Variants in IGF1R observed in about 807,000 individuals in gnomAD.
IGF1R encodes insulin-like growth factor 1 receptor.
A neutral mutation model predicts 144.6 loss-of-function variants in IGF1R; 44 were observed. That is an observed-to-expected ratio of 0.30 (90% CI 0.24 to 0.39). IGF1R has a LOEUF of 0.39. IGF1R is among the 10% of genes least tolerant of loss of function. The probability of loss-of-function intolerance (pLI) is 1.00; values close to 1 mark genes in which losing one functional copy is unlikely to be tolerated. For missense variants in IGF1R, 1,355 were observed against 1,833.7 expected, an observed-to-expected ratio of 0.74 and a Z score of 4.77; for synonymous variants, 795 against 722.8, an observed-to-expected ratio of 1.10 and a Z score of -1.60.
chr15:98,676,233 C>T (rs760468060), intron 1 of IGF1R, among the ~76,000 whole-genome samples: 12 of 152,010 alleles, frequency 7.9e-5, no homozygotes, highest in African/African-American at 1.2e-4. Context: ...CTCCACCTCC[C>T]GGGTTCAAGC....
intron 10 of IGF1R, among the ~76,000 whole-genome samples, chr15:98,918,032 TA>T (rs1310093795): frequency 6.6e-6 from 1 of 152,240 alleles, no homozygotes; most frequent in African/African-American, 2.4e-5. Context: ...AATTTTATTT[TA>T]ACACAATAAA....
At chr15:98,716,499 A>G (rs1334357604) in intron 2 of IGF1R, among the ~76,000 whole-genome samples, 1 of 152,080 alleles carries the variant, frequency 6.6e-6, no homozygotes, top group African/African-American at 2.4e-5. Context: ...CAAAATCTAG[A>G]CCATTCTGGG....
chr15:98,651,382 G>C (rs2052362529), intron 1 of IGF1R, among the ~76,000 whole-genome samples: 1 of 152,188 alleles, frequency 6.6e-6, no homozygotes, highest in African/African-American at 2.4e-5. Context: ...AACTTTCAGC[G>C]GACTCGATTG....
chr15:98,763,014 C>T (rs1253883831), intron 2 of IGF1R, among the ~76,000 whole-genome samples: 2 of 150,144 alleles, frequency 1.3e-5, no homozygotes, highest in South Asian at 4.2e-4. Context: ...CCACTGCACT[C>T]CAGCCTGGCG....
At chr15:98,757,137 CAA>C (rs1250207402) in intron 2 of IGF1R, among the ~76,000 whole-genome samples, 3 of 152,066 alleles carry the variant, frequency 2.0e-5, no homozygotes, top group Non-Finnish European at 4.4e-5. Context: ...TTTCAGTTGT[CAA>C]ATTGACAGTT....
At chr15:98,915,473 C>T (rs577145970) in intron 8 of IGF1R, among the ~76,000 whole-genome samples, 2 of 152,336 alleles carry the variant, frequency 1.3e-5, no homozygotes, top group South Asian at 2.1e-4. Flanking sequence ...CTCCTTCACA[C>T]ACACAGACTC....
chr15:98,770,268 G>A (rs1187259684), intron 2 of IGF1R, among the ~76,000 whole-genome samples: 1 of 152,328 alleles, frequency 6.6e-6, no homozygotes, highest in Non-Finnish European at 1.5e-5. Context: ...GTGTTCTCAC[G>A]TATACGTGGG....
At chr15:98,810,748 C>T (rs1374525112) in intron 2 of IGF1R, among the ~76,000 whole-genome samples, 2 of 151,474 alleles carry the variant, frequency 1.3e-5, no homozygotes, top group Non-Finnish European at 2.9e-5. Flanking sequence ...CGGGGTTTCA[C>T]CGTGTTAGCC....
rs1427641856 is a variant in IGF1R, at chr15:98,790,794, T to A, written c.640+82687T>A. Reference sequence around the variant, plus strand: ...GTTTTCTTTCTTATTTTTCTTTCCATGTTGACTCAGTAGGTAAATGGACTA... The same window carrying A: ...GTTTTCTTTCTTATTTTTCTTTCCAAGTTGACTCAGTAGGTAAATGGACTA... On this transcript the variant is annotated intron_variant, in intron 2 of 20. Coordinates refer to ENST00000650285, the MANE Select transcript of IGF1R (RefSeq NM_000875.5). Among the ~76,000 whole-genome samples the A allele has an allele frequency of 5.9e-5, 9 of 152,372 alleles. No individual in the cohort carries two copies. The South Asian group carries it at 1.2e-3, about 21-fold the overall frequency.
chr15:98,736,348 A>G (rs1424063258), intron 2 of IGF1R, among the ~76,000 whole-genome samples: 1 of 152,210 alleles, frequency 6.6e-6, no homozygotes, highest in African/African-American at 2.4e-5. Context: ...GAACTGTCCT[A>G]AAAGCTTGGA....
intron 2 of IGF1R, among the ~76,000 whole-genome samples, chr15:98,875,349 C>CTTTTTTTTT (rs34303390): frequency 1.5e-5 from 2 of 130,208 alleles, no homozygotes; most frequent in Non-Finnish European, 1.6e-5. Flanking sequence ...CTTTTCTTTT[C>CTTTTTTTTT]TTTTTTTTTT....
chr15:98,748,880 G>A (rs1482708901), intron 2 of IGF1R, among the ~76,000 whole-genome samples: 1 of 152,196 alleles, frequency 6.6e-6, no homozygotes, highest in African/African-American at 2.4e-5. Flanking sequence ...TCCAGAAGTT[G>A]TTAGAATTAA....
chr15:98,650,873 G>C, intron 1 of IGF1R: 1 of 980,536 alleles, frequency 1.0e-6, no homozygotes, highest in Non-Finnish European at 1.2e-6. Context: ...TTGTTTTGGT[G>C]GTGTCGGGTG....
chr15:98,901,711 G>A (rs762233822), intron 5 of IGF1R, among the ~76,000 whole-genome samples: 10 of 152,218 alleles, frequency 6.6e-5, no homozygotes, highest in Non-Finnish European at 1.0e-4. Flanking sequence ...CCTAGGCATG[G>A]AGAAGAGCCA....
intron 1 of IGF1R, among the ~76,000 whole-genome samples, chr15:98,663,374 A>C (rs2052645795): frequency 6.6e-6 from 1 of 152,238 alleles, no homozygotes; most frequent in African/African-American, 2.4e-5. Flanking sequence ...GCACACCTGC[A>C]GTGAGGCAAT....
At chr15:98,815,650 C>G (rs2056680872) in intron 2 of IGF1R, among the ~76,000 whole-genome samples, 1 of 152,178 alleles carries the variant, frequency 6.6e-6, no homozygotes, top group Non-Finnish European at 1.5e-5. Context: ...CCAAATCTCT[C>G]AGTGCGTAGG....
At position 98,723,325 on chromosome 15, in the gene IGF1R, A is replaced by C. The variant is rs112231700; in HGVS notation, c.640+15218A>C. Among the ~76,000 whole-genome samples, 209 of 152,310 alleles carry C rather than the reference A, an allele frequency of 1.4e-3. 4 individuals carry two copies. The highest frequency in any genetic ancestry group is 4.7e-3 in the African/African-American group (195 of 41,562). ...TCTCTCCTTGTCTCTTCTGTCCTCC[A>C]GTCAAAGAAAAACTCTGCATATGAT... On this transcript the variant is annotated intron_variant, in intron 2 of 20. Coordinates refer to ENST00000650285, the MANE Select transcript of IGF1R (RefSeq NM_000875.5).
chr15:98,946,690 G>C (rs1466796318), intron 19 of IGF1R, among the ~76,000 whole-genome samples: 1 of 152,218 alleles, frequency 6.6e-6, no homozygotes, highest in Non-Finnish European at 1.5e-5. Context: ...ACAAATCGGA[G>C]TTCAGTGTGA....
intron 2 of IGF1R, among the ~76,000 whole-genome samples, chr15:98,751,485 G>A (rs1490099331): frequency 6.6e-6 from 1 of 152,112 alleles, no homozygotes; most frequent in East Asian, 1.9e-4. Context: ...CTGTAACCCT[G>A]ATTTTAATGG....
Sources: gnomAD v4.1 joint callset for allele counts (sites outside exome capture counted in the v4.1 genomes callset) on GRCh38, gnomAD v4.1.1 for gene constraint, MANE v1.5 for transcripts, NCBI Gene and HGNC (gene_info 2026-07-23, HGNC 2026-07-21) for gene names.